Variants in SLC1A4 observed in about 807,000 individuals in gnomAD.
The protein encoded by SLC1A4 is neutral amino acid transporter A.
SLC1A4 carries 19 observed loss-of-function variants against 37.7 expected under a neutral mutation model. That is an observed-to-expected ratio of 0.50 (90% CI 0.35 to 0.74). The LOEUF is 0.74. SLC1A4 is among the 30% of genes least tolerant of loss of function. SLC1A4 has a pLI of 0.01. For synonymous variants in SLC1A4, 299 were observed against 309.8 expected (o/e 0.97, Z 0.37); for missense variants, 570 against 712.9 (o/e 0.80, Z 2.28).
rs1047930666 is a variant in SLC1A4, at chr2:65,023,591, G to C, written c.*2445G>C. The C allele has an allele frequency of 6.6e-6, 1 of 152,644 alleles. No individual in the cohort carries two copies. The highest frequency in any genetic ancestry group is 1.5e-5 in the Non-Finnish European group (1 of 68,106). 9.5% of individuals were successfully genotyped at this position (152,644 alleles called of 1,614,324 possible). On this transcript the variant is annotated 3_prime_UTR_variant, in exon 8 of 8. Coordinates refer to ENST00000234256, the MANE Select transcript of SLC1A4 (RefSeq NM_003038.5). Reference sequence around the variant, plus strand: ...TCTGGGTCTGGAGAAGGGTGCTTCCGAGAGTGTGCAGGTGGCCCTTCCCCT... The same window carrying C: ...TCTGGGTCTGGAGAAGGGTGCTTCCCAGAGTGTGCAGGTGGCCCTTCCCCT...
In SLC1A4 at chr2:65,001,476, G is replaced by A. The variant is rs773305834; in HGVS notation, c.556G>A (p.Ala186Thr). 46 of 1,613,760 alleles carry A rather than the reference G, an allele frequency of 2.9e-5. No individual in the cohort carries two copies. Among genetic ancestry groups the A allele is most frequent in the Non-Finnish European group, 3.7e-5 (44 of 1,179,774 alleles). ...RNLFPSNLVVAAFRTYATDYK... is the reference protein window; with the variant it reads ...RNLFPSNLVVTAFRTYATDYK... Reference sequence around the variant, plus strand: ...CCTGTTTCCCTCCAATCTTGTGGTTGCAGCTTTCCGTACGGTAAGGCTTGA... The same window carrying A: ...CCTGTTTCCCTCCAATCTTGTGGTTACAGCTTTCCGTACGGTAAGGCTTGA... Residue 186 changes from alanine (A) to threonine (T), a missense_variant, in exon 2 of 8, where the codon GCA becomes ACA. By Grantham distance (58) the Ala-to-Thr change is moderately conservative. Coordinates refer to ENST00000234256, the MANE Select transcript of SLC1A4 (RefSeq NM_003038.5).
intron 3 of SLC1A4, among the ~76,000 whole-genome samples, chr2:65,008,814 A>G (rs1158312678): frequency 1.3e-5 from 2 of 152,196 alleles, no homozygotes; most frequent in South Asian, 2.1e-4. Context: ...AGTACTTTAC[A>G]TATATTAACA....
chr2:64,995,252 C>T lies in SLC1A4; in HGVS notation c.527+5082C>T, dbSNP rs149059998. Among the ~76,000 whole-genome samples, 581 of 152,284 alleles carry T rather than the reference C, an allele frequency of 3.8e-3. 3 individuals carry two copies. The highest frequency in any genetic ancestry group is 0.013 in the African/African-American group (541 of 41,540). On this transcript the variant is annotated intron_variant, in intron 1 of 7. Coordinates refer to ENST00000234256, the MANE Select transcript of SLC1A4 (RefSeq NM_003038.5). The stretch of plus-strand genomic sequence containing the variant: ...CCAGCTCTATGACGTACTTGCTGTA[C>T]GTGCACAAGTCGTTTGTCCTCTCTG...
chr2:64,991,296 C>G (rs935798415), intron 1 of SLC1A4, among the ~76,000 whole-genome samples: 5 of 151,644 alleles, frequency 3.3e-5, no homozygotes, highest in Non-Finnish European at 7.4e-5. Context: ...CAACAAAAAT[C>G]TAGGACATCC....
chr2:64,998,810 C>T (rs1673362256), intron 1 of SLC1A4, among the ~76,000 whole-genome samples: 1 of 152,170 alleles, frequency 6.6e-6, no homozygotes, highest in Non-Finnish European at 1.5e-5. Context: ...GTGCTTGTAC[C>T]AATTGAGGAA....
upstream of SLC1A4, chr2:64,989,395 C>A: frequency 2.8e-6 from 1 of 363,576 alleles, no homozygotes; most frequent in Non-Finnish European, 4.9e-6. Context: ...CTCCCGTTTG[C>A]ATCATCTCCA....
chr2:65,007,602 G>A lies in SLC1A4; in HGVS notation c.634-2995G>A, dbSNP rs529610716. ...TGTCCTCAAATCTGAGAGTTGGTTC[G>A]AAAGCTGGAACTGCCTGACCTCAAA... On this transcript the variant is annotated intron_variant, in intron 3 of 7. Transcript: ENST00000234256. Among the ~76,000 whole-genome samples, 8 of 152,146 alleles carry A rather than the reference G, an allele frequency of 5.3e-5. No homozygotes were observed. In the East Asian group the frequency reaches 5.8e-4, roughly 11 times the overall value.
At chr2:64,998,821 A>G (rs1673362741) in intron 1 of SLC1A4, among the ~76,000 whole-genome samples, 1 of 152,212 alleles carries the variant, frequency 6.6e-6, no homozygotes. Flanking sequence ...AATTGAGGAA[A>G]CAGCTAATCC....
chr2:65,001,570 T>C (rs1417536077), intron 2 of SLC1A4, 80 bp downstream of exon 2: 1 of 1,333,054 alleles, frequency 7.5e-7, no homozygotes, highest in Non-Finnish European at 1.1e-6. Context: ...TTAGGTAAGG[T>C]AGAACAGGGA....
At chr2:65,019,573 C>T (rs1674324217) in intron 7 of SLC1A4, among the ~76,000 whole-genome samples, 1 of 152,234 alleles carries the variant, frequency 6.6e-6, no homozygotes, top group Admixed American at 6.5e-5. Flanking sequence ...TCGTCACAGG[C>T]AGGGCCTGGC....
chr2:65,016,385 A>G, intron 4 of SLC1A4, 55 bp from the exon 5 acceptor site: 1 of 1,380,572 alleles, frequency 7.2e-7, no homozygotes, highest in Non-Finnish European at 1.0e-6. Flanking sequence ...AAGGACCTGC[A>G]TCTCTCACCC....
intron 4 of SLC1A4, chr2:65,011,433 AT>A (rs563039294): frequency 0.016 from 2,296 of 141,440 alleles, 51 homozygotes; most frequent in African/African-American, 0.048. Flanking sequence ...TACCCAGCTA[AT>A]TTTTTTTTTT....
rs749017329 is a variant in SLC1A4 at position 65,018,216 on chromosome 2, G to A, written c.1180G>A (p.Ala394Thr). ...CCAGTGTGTGGCCGCGGTGTTCATTGCGCAACTCAACAACGTAGAGCTCAA... is the reference window on the plus strand; with the variant it reads ...CCAGTGTGTGGCCGCGGTGTTCATTACGCAACTCAACAACGTAGAGCTCAA... Reference protein sequence around the residue: ...IFQCVAAVFIAQLNNVELNAG... With the variant: ...IFQCVAAVFITQLNNVELNAG... The change falls in exon 6 of 8, where the codon GCG becomes ACG. Residue 394 changes from alanine to threonine, a missense_variant. By Grantham distance (58) the Ala-to-Thr change is moderately conservative. Coordinates refer to ENST00000234256, the MANE Select transcript of SLC1A4 (RefSeq NM_003038.5). This position sits in a 1 kb window ranked among gnomAD's most constrained non-coding sequence, Gnocchi z 4.3. 9.9e-6 allele frequency: 16 copies of A among 1,614,122 alleles called. No homozygotes were observed. The highest frequency in any genetic ancestry group is 6.6e-5 in the South Asian group (6 of 91,070).
intron 1 of SLC1A4, chr2:65,000,997 G>A (rs568563701): frequency 6.5e-6 from 1 of 153,796 alleles, no homozygotes; most frequent in East Asian, 1.9e-4. Flanking sequence ...CTAGGTGAGA[G>A]GAAAGCAATG....
Position 65,018,280 on chromosome 2 carries a change from C to T in SLC1A4, c.1229+15C>T, listed in dbSNP as rs1674248811. The stretch of plus-strand genomic sequence containing the variant: ...TTCACCATTCTGTAAGTTCCTCATT[C>T]TTTCCCTGGCTCAAAACTGAAGGCT... On this transcript the variant is annotated intron_variant, in intron 6 of 7. Transcript: ENST00000234256. This position sits in a 1 kb window ranked among gnomAD's most constrained non-coding sequence, Gnocchi z 4.3. 1.2e-6 allele frequency: 2 copies of T among 1,606,174 alleles called. No homozygotes were observed. Among genetic ancestry groups the T allele is most frequent in the South Asian group, 2.2e-5 (2 of 90,916 alleles).
chr2:64,991,891 C>G (rs1475581436), intron 1 of SLC1A4, among the ~76,000 whole-genome samples: 5 of 152,104 alleles, frequency 3.3e-5, no homozygotes, highest in African/African-American at 1.2e-4. Flanking sequence ...GTGAGCCACC[C>G]TGCCTGGCCC....
At chr2:65,015,875 G>A (rs1281524901) in intron 4 of SLC1A4, among the ~76,000 whole-genome samples, 3 of 152,162 alleles carry the variant, frequency 2.0e-5, no homozygotes, top group African/African-American at 7.2e-5. Context: ...TTCCCATCCT[G>A]CCTTTAAAAA....
intron 2 of SLC1A4, among the ~76,000 whole-genome samples, chr2:65,002,982 C>T (rs533293138): frequency 1.3e-5 from 2 of 152,236 alleles, no homozygotes; most frequent in African/African-American, 4.8e-5. Context: ...ACTTAAACCT[C>T]TCATTTTTGT....
Position 65,010,626 on chromosome 2 carries a change from G to C in SLC1A4, c.663G>C (p.Met221Ile). The change falls in exon 4 of 8, where the codon ATG becomes ATC. Residue 221 changes from methionine to isoleucine, a missense_variant. By Grantham distance (10) the Met-to-Ile change is conservative (BLOSUM62 1). Coordinates refer to ENST00000234256, the MANE Select transcript of SLC1A4 (RefSeq NM_003038.5). ...KIPIGTEIEG[M>I]NILGLVLFAL... ...CCATAGGCACTGAGATAGAAGGGAT[G>C]AACATTTTAGGATTGGTCCTGTTTG... 3 of 1,613,402 alleles carry C rather than the reference G, an allele frequency of 1.9e-6. No homozygotes were observed. The highest frequency in any genetic ancestry group is 2.5e-6 in the Non-Finnish European group (3 of 1,179,676).
Sources: gnomAD v4.1 joint callset for allele counts (sites outside exome capture counted in the v4.1 genomes callset) on GRCh38, gnomAD v4.1.1 for gene constraint, Gnocchi (gnomAD v3.1) non-coding constraint, MANE v1.5 for transcripts, NCBI Gene and HGNC (gene_info 2026-07-23, HGNC 2026-07-21) for gene names.